ZPBP: variants seen among roughly 807,000 people sequenced by gnomAD.
ZPBP encodes the protein zona pellucida binding protein, also known as zona pellucida-binding protein 1.
A neutral mutation model predicts 44.8 loss-of-function variants in ZPBP; 26 were observed. The observed-to-expected ratio is 0.58, with a 90% CI of 0.43 to 0.81. The LOEUF is 0.81. Among genes scored for constraint, ZPBP ranks in the 30% least tolerant of loss-of-function variants. ZPBP has a pLI of 0.00. For missense variants in ZPBP, 409 were observed against 434.0 expected (o/e 0.94, Z 0.51); for synonymous variants, 174 against 153.2 (o/e 1.14, Z -1.00).
At chr7:49,939,721 A>G (rs1191788179) in intron 7 of ZPBP, among the ~76,000 whole-genome samples, 1 of 152,182 alleles carries the variant, frequency 6.6e-6, no homozygotes, top group African/African-American at 2.4e-5. Flanking sequence ...TGTGTAAAAT[A>G]AAACTGTGGA....
chr7:49,974,936 G>A (rs1423906520), intron 7 of ZPBP, among the ~76,000 whole-genome samples: 3 of 30,828 alleles, frequency 9.7e-5, no homozygotes, highest in African/African-American at 4.0e-4. Flanking sequence ...CCAGCACGGG[G>A]AAATGGAGTG....
At chr7:49,976,930 G>A (rs879479610) in intron 7 of ZPBP, among the ~76,000 whole-genome samples, 4 of 151,864 alleles carry the variant, frequency 2.6e-5, no homozygotes, top group African/African-American at 4.8e-5. Context: ...GTGAAACCCC[G>A]TCCCTACTAA....
At chr7:49,933,408 T>C (rs1440434408), downstream of ZPBP, among the ~76,000 whole-genome samples, 1 of 152,208 alleles carries the variant, frequency 6.6e-6, no homozygotes, top group Non-Finnish European at 1.5e-5. Context: ...AGAAACTTTC[T>C]TATTTGACAG....
chr7:50,015,017 T>C (rs1185685193), intron 6 of ZPBP, among the ~76,000 whole-genome samples: 2 of 152,114 alleles, frequency 1.3e-5, no homozygotes, highest in Non-Finnish European at 2.9e-5. Flanking sequence ...TAAATGAAGG[T>C]GCTTTTGTGA....
chr7:49,979,712 T>A (rs1012658410), intron 7 of ZPBP, among the ~76,000 whole-genome samples: 1 of 149,008 alleles, frequency 6.7e-6, no homozygotes, highest in Non-Finnish European at 1.5e-5. Flanking sequence ...TTAGTTTAAG[T>A]CTTCTTTGAA....
At chr7:49,946,383 T>C (rs1795104723) in intron 7 of ZPBP, among the ~76,000 whole-genome samples, 1 of 152,202 alleles carries the variant, frequency 6.6e-6, no homozygotes, top group East Asian at 1.9e-4. Context: ...GGTCTGGTGG[T>C]GATGAAATCC....
At chr7:49,884,724 G>C (rs1567269) in intron 2 of ZPBP, among the ~76,000 whole-genome samples, 112,318 of 152,048 alleles carry the variant, frequency 0.74, 41,732 homozygotes, top group East Asian at 0.88. Context: ...CCAAACTCAA[G>C]TCAAGTTTTA....
chr7:49,947,534 C>G (rs1244316395), intron 7 of ZPBP, among the ~76,000 whole-genome samples: 1 of 152,180 alleles, frequency 6.6e-6, no homozygotes, highest in African/African-American at 2.4e-5. Context: ...GACTCTTGTT[C>G]TCTTCTCTTA....
chr7:50,028,980 C>A (rs371748946), intron 5 of ZPBP, among the ~76,000 whole-genome samples: 3 of 151,976 alleles, frequency 2.0e-5, no homozygotes, highest in Non-Finnish European at 2.9e-5. Flanking sequence ...TTGTCAGAAA[C>A]GGAAGAGATG....
intron 6 of ZPBP, among the ~76,000 whole-genome samples, chr7:50,000,821 T>C (rs2128794448): frequency 6.6e-6 from 1 of 152,252 alleles, no homozygotes; most frequent in Middle Eastern, 3.4e-3. Flanking sequence ...CACATTCATA[T>C]GTTGAAGCCC....
At chr7:49,856,135 G>A (rs1474992572) in intron 2 of ZPBP, among the ~76,000 whole-genome samples, 2 of 152,192 alleles carry the variant, frequency 1.3e-5, no homozygotes, top group Non-Finnish European at 2.9e-5. Flanking sequence ...AAAGACAGGT[G>A]ATAAGGTTAG....
At chr7:49,874,140 C>A (rs1411333970) in intron 2 of ZPBP, among the ~76,000 whole-genome samples, 1 of 151,854 alleles carries the variant, frequency 6.6e-6, no homozygotes, top group Non-Finnish European at 1.5e-5. Flanking sequence ...TGTGTTGTAG[C>A]CAAGGTTTTG....
At chr7:49,985,810 C>T (rs773129850) in intron 6 of ZPBP, among the ~76,000 whole-genome samples, 20 of 152,174 alleles carry the variant, frequency 1.3e-4, no homozygotes, top group Non-Finnish European at 2.8e-4. Context: ...CTTGTCTGCA[C>T]ATGCTGGCAA....
At chr7:49,961,044 C>A (rs1224806285) in intron 7 of ZPBP, among the ~76,000 whole-genome samples, 4 of 152,110 alleles carry the variant, frequency 2.6e-5, no homozygotes, top group Non-Finnish European at 5.9e-5. Context: ...AACAATTTGG[C>A]TTTTCTTAAA....
At chr7:49,886,055 A>G (rs74497221) in intron 2 of ZPBP, among the ~76,000 whole-genome samples, 4,568 of 152,320 alleles carry the variant, frequency 0.03, 186 homozygotes, top group South Asian at 0.13. Context: ...CAGTGTGTGC[A>G]AGAGCCTGGA....
At position 50,044,128 on chromosome 7, in the gene ZPBP, C is replaced by T. The variant is rs1383909684; in HGVS notation, c.488-12818G>A. Among the ~76,000 whole-genome samples the T allele has an allele frequency of 2.0e-5, 3 of 152,110 alleles. No homozygotes were observed. The East Asian group carries it at 5.8e-4, about 29-fold the overall frequency. ...TCTTTGGAACCAATGAGAACAAAGA[C>T]ACAACGTACCAGAATCTCTGGGACA... On this transcript the variant is annotated intron_variant, in intron 4 of 7. Transcript: ENST00000046087.
At chr7:49,885,977 C>A (rs1791887335) in intron 2 of ZPBP, among the ~76,000 whole-genome samples, 2 of 152,218 alleles carry the variant, frequency 1.3e-5, no homozygotes, top group African/African-American at 4.8e-5. Flanking sequence ...TGGAGAAAAT[C>A]AGTTACATTT....
chr7:50,040,295 T>C (rs939430888), intron 4 of ZPBP, among the ~76,000 whole-genome samples: 1 of 152,214 alleles, frequency 6.6e-6, no homozygotes, highest in Non-Finnish European at 1.5e-5. Flanking sequence ...TGTTAAAAGA[T>C]ATACCATGCA....
At position 49,879,218 on chromosome 7, in the gene ZPBP, T is replaced by C. The variant is rs140310953; in HGVS notation, n.509+21900A>G. 8.8e-4 allele frequency among the ~76,000 whole-genome samples: 134 copies of C among 152,318 alleles called. 2 individuals are homozygous for C. In the East Asian group the frequency reaches 0.024, roughly 28 times the overall value. On this transcript the variant is annotated intron_variant and non_coding_transcript_variant, in intron 2 of 2. Coordinates refer to the ZPBP transcript ENST00000465922. ...TTCTCTGCCTAAATTCCTAATTTTG[T>C]CTTTTATCTTATTGAATATAGTGAG...
Sources: gnomAD v4.1 joint callset for allele counts (sites outside exome capture counted in the v4.1 genomes callset) on GRCh38, gnomAD v4.1.1 for gene constraint, MANE v1.5 for transcripts, NCBI Gene and HGNC (gene_info 2026-07-23, HGNC 2026-07-21) for gene names.